The following ARHGEF38 variants were observed in gnomAD, a reference collection of about 807,000 sequenced individuals.
ARHGEF38 encodes the protein Rho guanine nucleotide exchange factor (GEF) 38.
ARHGEF38 carries 79 observed loss-of-function variants against 79.9 expected under a neutral mutation model. The observed-to-expected ratio is 0.99, with a 90% confidence interval of 0.82 to 1.19. The LOEUF (loss-of-function observed/expected upper bound fraction) is 1.19. ARHGEF38 is among the 50% of genes most tolerant of loss of function. The pLI is 0.00. For synonymous variants in ARHGEF38, 366 were observed against 328.3 expected, an observed-to-expected ratio of 1.11 and a Z score of -1.24; for missense variants, 962 against 907.2, an observed-to-expected ratio of 1.06 and a Z score of -0.78.
chr4:105,627,100 C>T (rs984653966), intron 3 of ARHGEF38, among the ~76,000 whole-genome samples: 2 of 152,096 alleles, frequency 1.3e-5, no homozygotes, highest in African/African-American at 4.8e-5. Context: ...CCTTGGTGTC[C>T]TGTATAATTT....
chr4:105,595,890 A>G (rs1470793440), intron 2 of ARHGEF38, among the ~76,000 whole-genome samples: 3 of 152,242 alleles, frequency 2.0e-5, no homozygotes, highest in South Asian at 2.1e-4. Flanking sequence ...GACTGATTCC[A>G]TAGACATGGA....
intron 2 of ARHGEF38, among the ~76,000 whole-genome samples, chr4:105,600,340 A>T (rs1042016249): frequency 6.6e-6 from 1 of 152,206 alleles, no homozygotes; most frequent in Non-Finnish European, 1.5e-5. Flanking sequence ...TTTAGACATT[A>T]GCAAAAGGAG....
At chr4:105,608,273 G>T (rs374605454) in intron 2 of ARHGEF38, among the ~76,000 whole-genome samples, 5 of 151,890 alleles carry the variant, frequency 3.3e-5, no homozygotes, top group African/African-American at 1.2e-4. Context: ...ACAAGTATGT[G>T]GTCATATCTC....
intron 2 of ARHGEF38, among the ~76,000 whole-genome samples, chr4:105,609,761 G>A (rs1020991726): frequency 1.3e-5 from 2 of 152,090 alleles, no homozygotes; most frequent in Non-Finnish European, 1.5e-5. Context: ...CTTGCGATAA[G>A]TACTTTTGTA....
At chr4:105,657,047 T>G (rs1056925476) in intron 9 of ARHGEF38, among the ~76,000 whole-genome samples, 2 of 151,794 alleles carry the variant, frequency 1.3e-5, no homozygotes, top group Non-Finnish European at 2.9e-5. Flanking sequence ...GATAGATAGA[T>G]AGATGATAGA....
In ARHGEF38 at chr4:105,665,542, T is replaced by A. The variant is rs76110841; in HGVS notation, c.1546-635T>A. Among the ~76,000 whole-genome samples, 775 of 152,160 alleles carry A rather than the reference T, an allele frequency of 5.1e-3. 9 individuals carry two copies. Among genetic ancestry groups the A allele is most frequent in the African/African-American group, 0.018 (729 of 41,532 alleles). On this transcript the variant is annotated intron_variant, in intron 10 of 13. Coordinates refer to ENST00000420470, the MANE Select transcript of ARHGEF38 (RefSeq NM_001242729.2). ...GTCTTGAACTCCAGGGCTCGAGTGA[T>A]CTTCTGGCCTCAGCTTCCTGATTAG...
intron 2 of ARHGEF38, among the ~76,000 whole-genome samples, chr4:105,605,965 C>T (rs1225542535): frequency 6.6e-6 from 1 of 152,086 alleles, no homozygotes; most frequent in East Asian, 1.9e-4. Context: ...TCCACTTCCA[C>T]CTTACTGCAG....
At position 105,678,057 on chromosome 4, in the gene ARHGEF38, G is replaced by A; in HGVS notation, c.*120G>A. On this transcript the variant is annotated 3_prime_UTR_variant, in exon 14 of 14. Transcript: ENST00000420470. ...CCTCTGAACTACAGAAACTGATACT[G>A]TACTGGGTTTTCAGGAATACTGTAC... 1.3e-6 allele frequency: 1 copy of A among 765,930 alleles called. No homozygotes were observed. The highest frequency in any genetic ancestry group is 1.9e-6 in the Non-Finnish European group (1 of 514,418). 47.4% of individuals were successfully genotyped at this position (765,930 alleles called of 1,614,324 possible).
chr4:105,629,388 T>A (rs1729087812), intron 3 of ARHGEF38, among the ~76,000 whole-genome samples: 1 of 152,182 alleles, frequency 6.6e-6, no homozygotes, highest in Non-Finnish European at 1.5e-5. Flanking sequence ...TGAATTAATA[T>A]GGATAAATAA....
At chr4:105,598,122 T>G (rs1022952504) in intron 2 of ARHGEF38, among the ~76,000 whole-genome samples, 1 of 152,198 alleles carries the variant, frequency 6.6e-6, no homozygotes, top group African/African-American at 2.4e-5. Flanking sequence ...CAACCTCCTA[T>G]GTATCTTGGC....
intron 2 of ARHGEF38, among the ~76,000 whole-genome samples, chr4:105,594,324 T>C (rs17035893): frequency 2.0e-5 from 3 of 152,142 alleles, no homozygotes; most frequent in Non-Finnish European, 4.4e-5. Flanking sequence ...ACTTCCCTTC[T>C]GGACATTTAA....
chr4:105,631,427 T>C (rs1438117422), intron 4 of ARHGEF38: 1 of 988,498 alleles, frequency 1.0e-6, no homozygotes, highest in Non-Finnish European at 1.2e-6. Flanking sequence ...TTAATGGAGT[T>C]AGGGGAATGG....
At chr4:105,611,057 G>A (rs1728273590) in intron 2 of ARHGEF38, among the ~76,000 whole-genome samples, 1 of 152,000 alleles carries the variant, frequency 6.6e-6, no homozygotes, top group Admixed American at 6.6e-5. Flanking sequence ...TTTGAGCATG[G>A]CTCCTTTCTT....
intron 9 of ARHGEF38, 81 bp from the exon 10 acceptor site, chr4:105,658,973 A>G (rs1730449902): frequency 8.1e-7 from 1 of 1,228,538 alleles, no homozygotes; most frequent in Non-Finnish European, 1.1e-6. Flanking sequence ...GTGGGGGAAA[A>G]GGTAAACCTA....
intron 10 of ARHGEF38, 21 bp downstream of exon 10, chr4:105,659,386 T>G (rs1480033633): frequency 8.5e-6 from 13 of 1,521,048 alleles, no homozygotes; most frequent in Non-Finnish European, 1.1e-5. Flanking sequence ...CACCAACACC[T>G]AGCTAGCTAC....
At chr4:105,638,442 T>A (rs10034172) in intron 5 of ARHGEF38, among the ~76,000 whole-genome samples, 49,320 of 151,964 alleles carry the variant, frequency 0.32, 11,000 homozygotes, top group African/African-American at 0.63. Flanking sequence ...CTCTTTTTTT[T>A]ATGTGTTCCC....
intron 5 of ARHGEF38, among the ~76,000 whole-genome samples, chr4:105,637,454 G>T (rs181860899): frequency 6.6e-6 from 1 of 152,164 alleles, no homozygotes; most frequent in East Asian, 1.9e-4. Context: ...CTATCCGACA[G>T]TATAAACAGA....
chr4:105,672,859 C>T (rs1048343025), intron 13 of ARHGEF38, among the ~76,000 whole-genome samples: 2 of 152,226 alleles, frequency 1.3e-5, no homozygotes, highest in African/African-American at 4.8e-5. Flanking sequence ...CCAGAGACCA[C>T]TTTCAACAAC....
intron 3 of ARHGEF38, among the ~76,000 whole-genome samples, chr4:105,628,380 C>A (rs867940245): frequency 6.6e-6 from 1 of 152,222 alleles, no homozygotes; most frequent in Non-Finnish European, 1.5e-5. Context: ...ACCAGTCCCA[C>A]TTCTGGGCCC....
Sources: allele counts gnomAD v4.1 joint callset (sites outside exome capture counted in the v4.1 genomes callset), GRCh38; gene constraint gnomAD v4.1.1; transcripts MANE v1.5; gene names NCBI Gene and HGNC (gene_info 2026-07-23, HGNC 2026-07-21).